Variants in COLEC10 observed in about 807,000 individuals in gnomAD.
COLEC10 encodes collectin subfamily member 10.
COLEC10 carries 22 observed loss-of-function variants against 28.4 expected under a neutral mutation model. That is an observed-to-expected ratio of 0.78 (90% confidence interval 0.55 to 1.11). COLEC10 has a LOEUF of 1.11. Ranked by LOEUF, COLEC10 falls within the 50% of genes least tolerant of loss-of-function variation. The probability of loss-of-function intolerance (pLI) is 0.00; values close to 1 mark genes in which losing one functional copy is unlikely to be tolerated. For missense variants in COLEC10, 361 were observed against 344.1 expected (o/e 1.05, Z -0.39); for synonymous variants, 125 against 116.1 (o/e 1.08, Z -0.49).
At chr8:119,041,967 G>A (rs1814505983) in intron 2 of COLEC10, among the ~76,000 whole-genome samples, 1 of 151,964 alleles carries the variant, frequency 6.6e-6, no homozygotes, top group Non-Finnish European at 1.5e-5. Flanking sequence ...ATATGAAATA[G>A]GCAGGAGGTA....
rs538642955 is a variant in COLEC10 at position 119,087,306 on chromosome 8, G to A, written c.149-2374G>A. Among the ~76,000 whole-genome samples the A allele has an allele frequency of 6.6e-5, 10 of 152,230 alleles. No homozygotes were observed. The East Asian group carries it at 1.7e-3, about 27-fold the overall frequency. On this transcript the variant is annotated intron_variant, in intron 1 of 5. Transcript: ENST00000332843. ...TGTAAGAGATAAGTGGAAATACACCGACACATTTGGTATAAAGTGTTATTT... is the reference window on the plus strand; with the variant it reads ...TGTAAGAGATAAGTGGAAATACACCAACACATTTGGTATAAAGTGTTATTT...
At chr8:119,063,101 T>C (rs936729905), upstream of COLEC10, 2 of 152,208 alleles carry the variant, frequency 1.3e-5, no homozygotes, top group African/African-American at 4.8e-5. Context: ...ATATGCTTTT[T>C]TCGTATCCTG....
intron 2 of COLEC10, among the ~76,000 whole-genome samples, chr8:119,031,580 T>C (rs1348652276): frequency 6.6e-6 from 1 of 152,188 alleles, no homozygotes; most frequent in Non-Finnish European, 1.5e-5. Context: ...AGTTAGTGAA[T>C]TGTGATGCTG....
intron 3 of COLEC10, among the ~76,000 whole-genome samples, chr8:119,095,259 C>G (rs1815687598): frequency 6.6e-6 from 1 of 152,122 alleles, no homozygotes; most frequent in African/African-American, 2.4e-5. Context: ...TATAAGCCCT[C>G]CACAATAAAC....
intron 3 of COLEC10, among the ~76,000 whole-genome samples, chr8:119,092,498 C>T (rs1815628123): frequency 6.6e-6 from 1 of 152,132 alleles, no homozygotes; most frequent in Admixed American, 6.6e-5. Flanking sequence ...CTAATTGCTC[C>T]TGATATTCAG....
chr8:118,957,417 C>T, the COLEC10 span, among the ~76,000 whole-genome samples: 1 of 152,142 alleles, frequency 6.6e-6, no homozygotes, highest in Admixed American at 6.6e-5. Flanking sequence ...GAAGAAGCCC[C>T]TTTTGATCAG....
chr8:119,011,751 A>G (rs2130086280), intron 2 of COLEC10, among the ~76,000 whole-genome samples: 1 of 150,912 alleles, frequency 6.6e-6, no homozygotes, highest in East Asian at 1.9e-4. Flanking sequence ...TTGAAATTTC[A>G]CTTGTTTCTT....
the COLEC10 span, among the ~76,000 whole-genome samples, chr8:118,959,331 A>T: frequency 6.6e-6 from 1 of 152,224 alleles, no homozygotes; most frequent in South Asian, 2.1e-4. Context: ...AAAACAATAG[A>T]GCACAGTGAT....
At chr8:119,063,379 G>T (rs1814892458), upstream of COLEC10, 1 of 152,184 alleles carries the variant, frequency 6.6e-6, no homozygotes, top group African/African-American at 2.4e-5. Flanking sequence ...TCAAGCTGTA[G>T]GTAGTAGAGA....
At chr8:119,103,939 C>A (rs1303814197) in intron 5 of COLEC10, 44 bp downstream of exon 5, 2 of 1,200,150 alleles carry the variant, frequency 1.7e-6, no homozygotes, top group South Asian at 1.2e-5. Flanking sequence ...TGATAGATCT[C>A]CATCAACACT....
chr8:119,036,047 G>A (rs1814383648), intron 2 of COLEC10, among the ~76,000 whole-genome samples: 1 of 151,864 alleles, frequency 6.6e-6, no homozygotes, highest in South Asian at 2.1e-4. Flanking sequence ...ATCTCTATTT[G>A]TTTATGTTTT....
intron 4 of COLEC10, among the ~76,000 whole-genome samples, chr8:119,103,469 T>C (rs112424680): frequency 2.0e-5 from 3 of 152,214 alleles, no homozygotes; most frequent in African/African-American, 7.2e-5. Context: ...TATTCTGAGA[T>C]TGGGCAGACA....
chr8:118,952,713 G>A, the COLEC10 span, among the ~76,000 whole-genome samples: 3 of 152,260 alleles, frequency 2.0e-5, no homozygotes, highest in African/African-American at 7.2e-5. Flanking sequence ...AAGGGCTATT[G>A]GTATCGGAGC....
intron 1 of COLEC10, among the ~76,000 whole-genome samples, chr8:119,074,109 A>C (rs757704276): frequency 5.3e-5 from 8 of 152,056 alleles, no homozygotes; most frequent in Non-Finnish European, 1.2e-4. Context: ...CACTGAACTC[A>C]TGGAGATAGA....
chr8:118,994,258 G>T (rs554332173), upstream of COLEC10, among the ~76,000 whole-genome samples: 7 of 152,224 alleles, frequency 4.6e-5, 1 homozygote, highest in African/African-American at 1.7e-4. Context: ...GGCAAATCAT[G>T]TAACAGTTTA....
At chr8:118,986,376 C>G in the COLEC10 span, among the ~76,000 whole-genome samples, 4 of 152,186 alleles carry the variant, frequency 2.6e-5, no homozygotes, top group Admixed American at 1.3e-4. Context: ...TGAATTGAGA[C>G]ATTTTCTGTA....
chr8:119,041,152 G>A (rs929604520), intron 2 of COLEC10, among the ~76,000 whole-genome samples: 6 of 152,148 alleles, frequency 3.9e-5, no homozygotes, highest in Admixed American at 6.5e-5. Flanking sequence ...GACCTAAAAC[G>A]TGGTGGAGCT....
intron 2 of COLEC10, among the ~76,000 whole-genome samples, chr8:119,012,065 T>C (rs1813908238): frequency 6.6e-6 from 1 of 150,688 alleles, no homozygotes; most frequent in Non-Finnish European, 1.5e-5. Flanking sequence ...AAGCTTAGAG[T>C]TTCTCACCAG....
chr8:119,106,306 T>C lies in COLEC10; in HGVS notation c.*115T>C. ...GATCTGAGTCAACATAGCTAGAAAATGCTAAACTGAGGTATGGAGCCTCCA... is the reference window on the plus strand; with the variant it reads ...GATCTGAGTCAACATAGCTAGAAAACGCTAAACTGAGGTATGGAGCCTCCA... On this transcript the variant is annotated 3_prime_UTR_variant, in exon 6 of 6. Coordinates refer to ENST00000332843, the MANE Select transcript of COLEC10 (RefSeq NM_006438.5). 1 of 1,111,336 alleles carries C rather than the reference T, an allele frequency of 9.0e-7. No individual in the cohort carries two copies. Among genetic ancestry groups the C allele is most frequent in the Non-Finnish European group, 1.3e-6 (1 of 779,994 alleles). 68.8% of individuals were successfully genotyped at this position (1,111,336 alleles called of 1,614,324 possible). A position where few individuals can be genotyped will look rare whatever the true frequency, so the allele number is the denominator to read the frequency against.
Sources: allele counts gnomAD v4.1 joint callset (sites outside exome capture counted in the v4.1 genomes callset), GRCh38; gene constraint gnomAD v4.1.1; transcripts MANE v1.5; gene names NCBI Gene and HGNC (gene_info 2026-07-23, HGNC 2026-07-21).